Variants in CHST9 observed in about 807,000 individuals in gnomAD.
CHST9 encodes the protein carbohydrate sulfotransferase 9.
CHST9 carries 41 observed loss-of-function variants against 44.4 expected under a neutral mutation model. The ratio of observed to expected loss-of-function variants is 0.92; its 90% CI spans 0.72 to 1.20. The LOEUF (loss-of-function observed/expected upper bound fraction) is 1.20, where lower values mean the gene tolerates loss of function less well. Ranked by LOEUF, CHST9 falls within the 50% of genes most tolerant of loss-of-function variation. The pLI is 0.00. For synonymous variants in CHST9, 171 were observed against 178.4 expected, an observed-to-expected ratio of 0.96 and a Z score of 0.33; for missense variants, 504 against 516.5, an observed-to-expected ratio of 0.98 and a Z score of 0.23.
rs1381576012 is a variant in CHST9 at position 26,914,941 on chromosome 18, T to C, written c.*1318A>G. On this transcript the variant is annotated 3_prime_UTR_variant, in exon 6 of 6. Transcript: ENST00000618847. ...AAAAGTCGACCAATTAAAGTAGGTT[T>C]CCCATCCAAATGTTTCCCATCCAAA... is the stretch of plus-strand genomic sequence containing the variant. 2.5e-6 allele frequency: 1 copy of C among 397,198 alleles called. No homozygotes were observed. The highest frequency in any genetic ancestry group is 2.1e-5 in the African/African-American group (1 of 48,530). The allele number at this position is 397,198 out of a possible 1,614,324, so 24.6% of individuals were successfully genotyped here. A position where few individuals can be genotyped will look rare whatever the true frequency, so the allele number is the denominator to read the frequency against.
chr18:27,162,579 T>C (rs1171742524), intron 1 of CHST9, among the ~76,000 whole-genome samples: 3 of 152,180 alleles, frequency 2.0e-5, no homozygotes, highest in African/African-American at 4.8e-5. Flanking sequence ...ATCTGACAAT[T>C]ATGTGTCTTG....
intron 1 of CHST9, among the ~76,000 whole-genome samples, chr18:27,143,776 A>T (rs1398254168): frequency 6.6e-6 from 1 of 151,918 alleles, no homozygotes; most frequent in Admixed American, 6.6e-5. Context: ...GGAACATCAC[A>T]CACCAGGGCC....
intron 4 of CHST9, among the ~76,000 whole-genome samples, chr18:27,015,323 T>TTTGTGTG (rs369592806): frequency 1.4e-5 from 2 of 146,344 alleles, no homozygotes; most frequent in Non-Finnish European, 3.0e-5. Context: ...AGAGAGGCAG[T>TTTGTGTG]TGTGTGTGTG....
At chr18:27,001,337 C>T (rs748219069) in intron 4 of CHST9, among the ~76,000 whole-genome samples, 16 of 152,144 alleles carry the variant, frequency 1.1e-4, no homozygotes, top group African/African-American at 3.6e-4. Context: ...GCATGACCCT[C>T]GGCTGCTCAC....
intron 4 of CHST9, among the ~76,000 whole-genome samples, chr18:26,958,829 C>T (rs187196554): frequency 1.0e-3 from 153 of 152,202 alleles, no homozygotes; most frequent in Middle Eastern, 3.4e-3. Flanking sequence ...CACATGCTGG[C>T]GAGGCCATGG....
chr18:26,915,152 C>A lies in CHST9; in HGVS notation c.*1107G>T, dbSNP rs2055495595. On this transcript the variant is annotated 3_prime_UTR_variant, in exon 6 of 6. Coordinates refer to ENST00000618847, the MANE Select transcript of CHST9 (RefSeq NM_031422.6). ...AATATTTAAACTTAAAAAGAAAATA[C>A]CTTAATTTACTTATGCATAAGCCTA... 3 of 392,306 alleles carry A rather than the reference C, an allele frequency of 7.6e-6. No homozygotes were observed. The highest frequency in any genetic ancestry group is 1.3e-5 in the Non-Finnish European group (3 of 222,434). The allele number at this position is 392,306 out of a possible 1,614,324, so 24.3% of individuals were successfully genotyped here.
chr18:27,165,321 A>G (rs1297844096), intron 1 of CHST9, among the ~76,000 whole-genome samples: 1 of 152,234 alleles, frequency 6.6e-6, no homozygotes, highest in Non-Finnish European at 1.5e-5. Context: ...AAAAAATTAG[A>G]TGAAGCTGCA....
At chr18:26,932,257 C>T (rs997286673) in intron 5 of CHST9, among the ~76,000 whole-genome samples, 2 of 152,174 alleles carry the variant, frequency 1.3e-5, no homozygotes, top group Non-Finnish European at 2.9e-5. Context: ...TTGGGTCTCT[C>T]CTCAGGTAGC....
chr18:26,936,367 GC>G (rs1328131442), intron 5 of CHST9: 1 of 149,824 alleles, frequency 6.7e-6, no homozygotes, highest in Admixed American at 6.6e-5. Flanking sequence ...TTTAAAGGTA[GC>G]CAAAAAAAAA....
At chr18:27,069,718 T>C (rs2057819030) in intron 2 of CHST9, among the ~76,000 whole-genome samples, 2 of 152,216 alleles carry the variant, frequency 1.3e-5, no homozygotes, top group Admixed American at 1.3e-4. Flanking sequence ...TTGTGACTTT[T>C]TTGAATAGAC....
At chr18:26,993,124 A>C (rs781422360) in intron 4 of CHST9, among the ~76,000 whole-genome samples, 8 of 152,198 alleles carry the variant, frequency 5.3e-5, no homozygotes, top group Non-Finnish European at 1.2e-4. Context: ...TGGGAGGGAC[A>C]CGTTATGGTT....
chr18:27,015,701 T>C (rs2057145028), intron 4 of CHST9, among the ~76,000 whole-genome samples: 1 of 152,192 alleles, frequency 6.6e-6, no homozygotes, highest in Non-Finnish European at 1.5e-5. Flanking sequence ...GGTAGAGGAT[T>C]CCACACATGG....
chr18:27,105,255 T>C (rs1422249564), intron 2 of CHST9, among the ~76,000 whole-genome samples: 1 of 152,186 alleles, frequency 6.6e-6, no homozygotes, highest in East Asian at 1.9e-4. Context: ...TTTGAATTTG[T>C]TCAAATCTTT....
chr18:27,159,650 T>A (rs1375837856), intron 1 of CHST9, among the ~76,000 whole-genome samples: 1 of 152,156 alleles, frequency 6.6e-6, no homozygotes, highest in Non-Finnish European at 1.5e-5. Context: ...GTGAAGAAAG[T>A]CATTGGTAGC....
At chr18:27,073,056 G>A (rs894281960) in intron 2 of CHST9, among the ~76,000 whole-genome samples, 1 of 152,182 alleles carries the variant, frequency 6.6e-6, no homozygotes, top group African/African-American at 2.4e-5. Context: ...CAAGTGACTA[G>A]AGCAGAATCA....
intron 1 of CHST9, among the ~76,000 whole-genome samples, chr18:27,162,507 G>C (rs1281615155): frequency 6.6e-6 from 1 of 152,060 alleles, no homozygotes; most frequent in Non-Finnish European, 1.5e-5. Flanking sequence ...TCCCTTTGTG[G>C]GTAACCCAAC....
chr18:27,177,020 AACCAGTAAGACTAT>A (rs562414073), intron 1 of CHST9, among the ~76,000 whole-genome samples: 42 of 152,224 alleles, frequency 2.8e-4, no homozygotes, highest in African/African-American at 9.9e-4. Context: ...AGCTACAAAT[AACCAGTAAGACTAT>A]ACCAGTGCAT....
chr18:27,184,787 G>T lies in CHST9; in HGVS notation c.-97+349C>A, dbSNP rs547440385. Among the ~76,000 whole-genome samples, 4 of 152,272 alleles carry T rather than the reference G, an allele frequency of 2.6e-5. No homozygotes were observed. The South Asian group carries it at 8.3e-4, about 32-fold the overall frequency. On this transcript the variant is annotated intron_variant, in intron 1 of 5. Transcript: ENST00000618847. ...AGAGGGGTCTGACCCCGGAATCCTG[G>T]AGTCCAGGGTGCCCCGCCGGGGCGC...
At chr18:27,098,543 T>C (rs1477431009) in intron 2 of CHST9, among the ~76,000 whole-genome samples, 1 of 152,022 alleles carries the variant, frequency 6.6e-6, no homozygotes, top group Non-Finnish European at 1.5e-5. Flanking sequence ...CAAAGACTTG[T>C]AACTAACCCA....
Sources: gnomAD v4.1 joint callset for allele counts (sites outside exome capture counted in the v4.1 genomes callset) on GRCh38, gnomAD v4.1.1 for gene constraint, MANE v1.5 for transcripts, NCBI Gene and HGNC (gene_info 2026-07-23, HGNC 2026-07-21) for gene names.